Variants in PRRG1 observed in about 807,000 individuals in gnomAD.
PRRG1 encodes the protein proline rich and Gla domain 1.
Under a neutral mutation model 11.8 loss-of-function variants are expected in PRRG1, and 5 were observed. The ratio of observed to expected loss-of-function variants is 0.42; its 90% CI spans 0.22 to 0.89. The LOEUF (loss-of-function observed/expected upper bound fraction) is 0.89. PRRG1 is among the 40% of genes least tolerant of loss of function. The probability of loss-of-function intolerance (pLI) is 0.28; values close to 1 mark genes in which losing one functional copy is unlikely to be tolerated. For synonymous variants in PRRG1, 66 were observed against 60.4 expected, an observed-to-expected ratio of 1.09 and a Z score of -0.43; for missense variants, 155 against 166.1, an observed-to-expected ratio of 0.93 and a Z score of 0.37.
chrX:37,427,562 G>T (rs782614179), intron 3 of PRRG1, among the ~76,000 whole-genome samples: 22 of 112,276 alleles, frequency 2.0e-4, no homozygotes, highest in African/African-American at 7.1e-4. Context: ...CAGATCTCCA[G>T]AATTCATTTA....
At chrX:37,402,478 T>G (rs1556380703) in intron 1 of PRRG1, among the ~76,000 whole-genome samples, 1 of 111,366 alleles carries the variant, frequency 9.0e-6, no homozygotes, top group East Asian at 2.8e-4. Flanking sequence ...ATACAAAAAT[T>G]AATTCAAGAT....
chrX:37,429,818 A>G (rs1932808645), intron 3 of PRRG1, among the ~76,000 whole-genome samples: 2 of 112,087 alleles, frequency 1.8e-5, no homozygotes. Context: ...AAGAGATTTA[A>G]TTGGACTTAC....
At chrX:37,371,558 G>T (rs1197680919) in intron 1 of PRRG1, among the ~76,000 whole-genome samples, 6 of 112,804 alleles carry the variant, frequency 5.3e-5, no homozygotes, top group Non-Finnish European at 1.9e-5. Flanking sequence ...CCTTCTGGGA[G>T]CCCAGACCTA....
intron 2 of PRRG1, among the ~76,000 whole-genome samples, chrX:37,418,042 C>T (rs1932549402): frequency 1.8e-5 from 2 of 111,991 alleles, no homozygotes; most frequent in African/African-American, 6.5e-5. Context: ...ACTGAAAGTA[C>T]TTAAGAAATC....
chrX:37,406,411 G>A lies in PRRG1; in HGVS notation c.10+152G>A, dbSNP rs782140775. The A allele has an allele frequency of 1.7e-5, 9 of 528,649 alleles. 1 individual carries two copies. Among genetic ancestry groups the A allele is most frequent in the Non-Finnish European group, 2.4e-5 (8 of 328,088 alleles). 43.6% of individuals were successfully genotyped at this position (528,649 alleles called of 1,213,427 possible). ...TTTTTGTCTGAAGCAGGGCTTTTCA[G>A]AGAAAGACCATCAACCACATTTATT... On this transcript the variant is annotated intron_variant, in intron 2 of 3. Coordinates refer to ENST00000378628, the MANE Select transcript of PRRG1 (RefSeq NM_001142395.2).
chrX:37,368,801 A>G (rs954551251), intron 1 of PRRG1, among the ~76,000 whole-genome samples: 1 of 109,358 alleles, frequency 9.1e-6, no homozygotes, highest in East Asian at 2.9e-4. Flanking sequence ...TATTTTTCCT[A>G]TTGATACTCT....
chrX:37,410,767 G>T (rs1380080428), intron 2 of PRRG1, among the ~76,000 whole-genome samples: 3 of 112,054 alleles, frequency 2.7e-5, no homozygotes, highest in African/African-American at 9.7e-5. Context: ...ACAAGGGAAG[G>T]TGCCTAAAGT....
rs782020873 is a variant in PRRG1 at position 37,441,851 on chromosome X, G to A, written c.172-11285G>A. ...GAGTGCGCCTTCCACCTGGAGAAGAGTGTCAACCAGAGCCTCCTGGAGCTA... is the reference window on the plus strand; with the variant it reads ...GAGTGCGCCTTCCACCTGGAGAAGAATGTCAACCAGAGCCTCCTGGAGCTA... On this transcript the variant is annotated intron_variant, in intron 3 of 3. Transcript: ENST00000378628. 23 of 780,697 alleles carry A rather than the reference G, an allele frequency of 2.9e-5. No homozygotes were observed. The African/African-American group carries it at 5.2e-4, about 18-fold the overall frequency. The allele number at this position is 780,697 out of a possible 1,213,427, so 64.3% of individuals were successfully genotyped here.
At chrX:37,392,268 G>T (rs1556376930) in intron 1 of PRRG1, among the ~76,000 whole-genome samples, 1 of 110,704 alleles carries the variant, frequency 9.0e-6, no homozygotes, top group African/African-American at 3.3e-5. Context: ...AGTAGAGTTG[G>T]GTAGTTACAA....
intron 3 of PRRG1, among the ~76,000 whole-genome samples, chrX:37,427,124 A>T (rs1258031929): frequency 8.9e-6 from 1 of 112,044 alleles, no homozygotes; most frequent in African/African-American, 3.2e-5. Flanking sequence ...TTTATCAAAT[A>T]ATAGAAATTA....
intron 1 of PRRG1, among the ~76,000 whole-genome samples, chrX:37,391,244 C>T (rs782694878): frequency 2.7e-5 from 3 of 111,631 alleles, no homozygotes; most frequent in Middle Eastern, 4.6e-3. Flanking sequence ...AGACTTCTTG[C>T]TTTTCCCGAG....
chrX:37,349,873 A>G (rs1361690995), intron 1 of PRRG1, among the ~76,000 whole-genome samples: 9 of 110,761 alleles, frequency 8.1e-5, no homozygotes, highest in African/African-American at 2.6e-4. Context: ...AGTCCCAAGG[A>G]GGGCGTGGCG....
rs782297526 is a variant in PRRG1, at chrX:37,451,307, G to A, written c.172-1829G>A. ...GCTGGGATTACAGGCATGAGCCACC[G>A]CACCCAGCCCCATTTTTGCTGTTTT... On this transcript the variant is annotated intron_variant, in intron 3 of 3. Transcript: ENST00000378628. Among the ~76,000 whole-genome samples, 13 of 112,258 alleles carry A rather than the reference G, an allele frequency of 1.2e-4. 1 individual carries two copies. Among genetic ancestry groups the A allele is most frequent in the South Asian group, 3.7e-4 (1 of 2,725 alleles).
Position 37,413,597 on chromosome X carries a change from A to T in PRRG1, c.10+7338A>T, listed in dbSNP as rs782077735. On this transcript the variant is annotated intron_variant, in intron 2 of 3. Coordinates refer to ENST00000378628, the MANE Select transcript of PRRG1 (RefSeq NM_001142395.2). ...CTTCTAAGTGGCTTTACTATTTTAC[A>T]TTCCCACCAGCAATGAAAGAGAGTT... 8.1e-5 allele frequency among the ~76,000 whole-genome samples: 9 copies of T among 111,474 alleles called. No homozygotes were observed. In the South Asian group the frequency reaches 3.4e-3, roughly 43 times the overall value.
At chrX:37,449,602 G>A (rs782396448) in intron 3 of PRRG1, among the ~76,000 whole-genome samples, 20 of 112,068 alleles carry the variant, frequency 1.8e-4, no homozygotes, top group Non-Finnish European at 3.2e-4. Context: ...AATGGTTGTC[G>A]GACCTCTCTG....
In PRRG1 at chrX:37,356,318, A is replaced by G. The variant is rs1556366169; in HGVS notation, c.-42+6923A>G. On this transcript the variant is annotated intron_variant, in intron 1 of 3. Transcript: ENST00000378628. Reference sequence around the variant, plus strand: ...CATGTTGGAGGGAGGTAATCAGGGAAGACTTCACTGTCAGCAAAGACTTGT... The same window carrying G: ...CATGTTGGAGGGAGGTAATCAGGGAGGACTTCACTGTCAGCAAAGACTTGT... 2.7e-5 allele frequency among the ~76,000 whole-genome samples: 3 copies of G among 111,501 alleles called. No individual in the cohort carries two copies. The Admixed American group carries it at 2.9e-4, about 11-fold the overall frequency.
chrX:37,362,920 C>A (rs939664153), intron 1 of PRRG1, among the ~76,000 whole-genome samples: 6 of 111,700 alleles, frequency 5.4e-5, no homozygotes, highest in Non-Finnish European at 1.1e-4. Context: ...CTTGACAGTT[C>A]TCTTCTTCAC....
At chrX:37,449,991 T>A (rs1921058452) in intron 3 of PRRG1, among the ~76,000 whole-genome samples, 1 of 112,807 alleles carries the variant, frequency 8.9e-6, no homozygotes, top group African/African-American at 3.2e-5. Flanking sequence ...CCCTCTGGCC[T>A]AAAGGACATA....
chrX:37,422,075 G>T (rs1373660203), intron 2 of PRRG1, among the ~76,000 whole-genome samples: 3 of 111,744 alleles, frequency 2.7e-5, no homozygotes, highest in African/African-American at 9.8e-5. Context: ...GTGTCCTGCT[G>T]TATTACCTTC....
Sources: allele counts gnomAD v4.1 joint callset (sites outside exome capture counted in the v4.1 genomes callset), GRCh38; gene constraint gnomAD v4.1.1; transcripts MANE v1.5; gene names NCBI Gene and HGNC (gene_info 2026-07-23, HGNC 2026-07-21).